The following HFM1 variants were observed in gnomAD, a reference collection of about 807,000 sequenced individuals.
HFM1 encodes probable ATP-dependent DNA helicase HFM1.
A neutral mutation model predicts 192.1 loss-of-function variants in HFM1; 169 were observed. That is an observed-to-expected ratio of 0.88 (90% CI 0.78 to 1.00). The LOEUF is 1.00. Ranked by LOEUF, HFM1 falls within the 50% of genes least tolerant of loss-of-function variation. HFM1 has a pLI of 0.00. For missense variants in HFM1, 1,661 were observed against 1,668.0 expected (o/e 1.00, Z 0.07); for synonymous variants, 525 against 537.8 (o/e 0.98, Z 0.33).
At chr1:91,277,734 A>G (rs1466365417) in intron 30 of HFM1, among the ~76,000 whole-genome samples, 2 of 123,564 alleles carry the variant, frequency 1.6e-5, no homozygotes, top group Admixed American at 1.0e-4. Flanking sequence ...ATACTAATAT[A>G]TATAATATAT....
chr1:91,364,009 G>A (rs1658894206), intron 13 of HFM1, among the ~76,000 whole-genome samples: 1 of 152,082 alleles, frequency 6.6e-6, no homozygotes, highest in African/African-American at 2.4e-5. Context: ...CATATGGAGG[G>A]GAACACATTG....
intron 30 of HFM1, among the ~76,000 whole-genome samples, chr1:91,300,881 A>G (rs368666541): frequency 3.3e-5 from 5 of 152,086 alleles, no homozygotes; most frequent in South Asian, 2.1e-4. Flanking sequence ...GCACAAGACA[A>G]GGATGCCCTC....
Position 91,352,542 on chromosome 1 carries a change from ATC to A in HFM1, c.1939_1940del (p.Asp647TyrfsTer7). 6.2e-7 allele frequency: 1 copy of A among 1,608,258 alleles called. No individual in the cohort carries two copies. Among genetic ancestry groups the A allele is most frequent in the Non-Finnish European group, 8.5e-7 (1 of 1,177,066 alleles). The part of the protein sequence containing the change: ...GGLFEEYSET[D>X]ILQMIGRAGR... Reference sequence around the variant, plus strand: ...CAGCTCTACCAATCATCTGTAGAATATCTGTTTCACTGTACTCTTCAAACAGT... The same window carrying A: ...CAGCTCTACCAATCATCTGTAGAATATGTTTCACTGTACTCTTCAAACAGT... On this transcript the variant is annotated frameshift_variant, in exon 16 of 39. Coordinates refer to ENST00000370425, the MANE Select transcript of HFM1 (RefSeq NM_001017975.6). LOFTEE classifies it high-confidence loss of function.
chr1:91,325,481 G>A (rs1652765776), intron 20 of HFM1, among the ~76,000 whole-genome samples: 1 of 152,176 alleles, frequency 6.6e-6, no homozygotes, highest in African/African-American at 2.4e-5. Context: ...ATTTTTGAGA[G>A]AAAGTAAGGG....
chr1:91,336,916 A>G (rs966525230), intron 20 of HFM1, among the ~76,000 whole-genome samples: 4 of 152,208 alleles, frequency 2.6e-5, no homozygotes, highest in Non-Finnish European at 4.4e-5. Flanking sequence ...AAGGAATGAG[A>G]TATGTCCTCT....
At chr1:91,292,455 G>A (rs1377436170) in intron 30 of HFM1, among the ~76,000 whole-genome samples, 1 of 147,418 alleles carries the variant, frequency 6.8e-6, no homozygotes, top group Non-Finnish European at 1.5e-5. Flanking sequence ...ATTCACAATT[G>A]CTTCAAAGAG....
At chr1:91,308,320 T>C (rs939400626) in intron 30 of HFM1, among the ~76,000 whole-genome samples, 4 of 152,136 alleles carry the variant, frequency 2.6e-5, no homozygotes, top group African/African-American at 9.7e-5. Context: ...TCTACTGATA[T>C]GTCTCAAAGC....
chr1:91,329,080 G>A, intron 20 of HFM1: 4 of 1,610,026 alleles, frequency 2.5e-6, no homozygotes, highest in Non-Finnish European at 3.4e-6. Flanking sequence ...AGTGACTACT[G>A]TAAGAGTATC....
chr1:91,404,717 C>T (rs1462118759), intron 1 of HFM1, 81 bp downstream of exon 1: 5 of 414,104 alleles, frequency 1.2e-5, no homozygotes, highest in East Asian at 9.0e-5. Context: ...GCCCGGACGG[C>T]TCGGCTGGGT....
At chr1:91,406,828 C>G (rs970547621), upstream of HFM1, among the ~76,000 whole-genome samples, 2 of 152,076 alleles carry the variant, frequency 1.3e-5, no homozygotes, top group African/African-American at 4.8e-5. Flanking sequence ...TAAGGGCAAA[C>G]AGCAAAAGAA....
intron 13 of HFM1, among the ~76,000 whole-genome samples, chr1:91,364,092 G>A (rs1188747174): frequency 6.6e-6 from 1 of 151,866 alleles, no homozygotes; most frequent in Non-Finnish European, 1.5e-5. Flanking sequence ...TAATACCTAG[G>A]TTATGCGATG....
chr1:91,262,382 T>G lies in HFM1; in HGVS notation c.4097A>C (p.Gln1366Pro). The G allele has an allele frequency of 3.8e-6, 6 of 1,576,052 alleles. No individual in the cohort carries two copies. The highest frequency in any genetic ancestry group is 5.2e-6 in the Non-Finnish European group (6 of 1,161,100). Residue 1366 changes from glutamine (Q) to proline (P), a missense_variant, in exon 38 of 39, where the codon CAA becomes CCA. Transcript: ENST00000370425. ...TGACAGATTTTGTGGTTTTCTTTCT[T>G]GAAAATGGACCTACATTTGAGATAA... ...QAGNAVIVHFQERKPQNLSPE... is the reference protein window; with the variant it reads ...QAGNAVIVHFPERKPQNLSPE...
chr1:91,380,099 C>A lies in HFM1; in HGVS notation c.1006+5G>T. 1 of 1,316,236 alleles carries A rather than the reference C, an allele frequency of 7.6e-7. No individual in the cohort carries two copies. The highest frequency in any genetic ancestry group is 1.0e-6 in the Non-Finnish European group (1 of 958,308). The allele number at this position is 1,316,236 out of a possible 1,614,324, so 81.5% of individuals were successfully genotyped here. On this transcript the variant is annotated splice_donor_5th_base_variant and intron_variant, in intron 8 of 38. Coordinates refer to ENST00000370425, the MANE Select transcript of HFM1 (RefSeq NM_001017975.6). ...TTAGTCATCACTCTTATAATAAATA[C>A]TTACTGTAAACAATTTTAATATTCA...
At chr1:91,305,563 A>C (rs55766631) in intron 30 of HFM1, among the ~76,000 whole-genome samples, 11 of 151,712 alleles carry the variant, frequency 7.3e-5, no homozygotes, top group Non-Finnish European at 1.3e-4. Flanking sequence ...CAATTTATTT[A>C]TTTCTTTTTT....
chr1:91,302,339 T>C (rs1175243201), intron 30 of HFM1, among the ~76,000 whole-genome samples: 9 of 152,042 alleles, frequency 5.9e-5, no homozygotes, highest in Admixed American at 5.9e-4. Context: ...TTGGTGGGAC[T>C]GTAAACTAGT....
At chr1:91,303,819 T>C (rs1649200033) in intron 30 of HFM1, among the ~76,000 whole-genome samples, 1 of 152,168 alleles carries the variant, frequency 6.6e-6, no homozygotes, top group Non-Finnish European at 1.5e-5. Context: ...CTTTGGAAAA[T>C]GTCTATGCAG....
At chr1:91,328,544 A>G in intron 20 of HFM1, 1 of 1,612,666 alleles carries the variant, frequency 6.2e-7, no homozygotes. Flanking sequence ...GTGCTGCAGA[A>G]CGAGGAGGGT....
intron 13 of HFM1, among the ~76,000 whole-genome samples, chr1:91,369,960 C>T (rs548868933): frequency 6.6e-6 from 1 of 152,320 alleles, no homozygotes; most frequent in East Asian, 1.9e-4. Context: ...ATACTATAAA[C>T]ACCTCTACGC....
chr1:91,358,217 G>A (rs1445177882), intron 13 of HFM1, among the ~76,000 whole-genome samples: 1 of 151,946 alleles, frequency 6.6e-6, no homozygotes, highest in African/African-American at 2.4e-5. Context: ...CTGGGAGGCG[G>A]ACCTTGCAGT....
Sources: gnomAD v4.1 joint callset for allele counts (sites outside exome capture counted in the v4.1 genomes callset) on GRCh38, gnomAD v4.1.1 for gene constraint, MANE v1.5 for transcripts, NCBI Gene and HGNC (gene_info 2026-07-23, HGNC 2026-07-21) for gene names.